Variants in XRCC5 observed in about 807,000 individuals in gnomAD.
The protein encoded by XRCC5 is X-ray repair cross complementing 5, also known as DNA repair protein Ku80.
Under a neutral mutation model 95.7 loss-of-function variants are expected in XRCC5, and 12 were observed. The observed-to-expected ratio is 0.13, with a 90% CI of 0.08 to 0.20. XRCC5 has a LOEUF of 0.20. XRCC5 is among the 10% of genes least tolerant of loss of function. XRCC5 has a pLI of 1.00. For synonymous variants in XRCC5, 281 were observed against 290.3 expected, an observed-to-expected ratio of 0.97 and a Z score of 0.33; for missense variants, 595 against 873.9, an observed-to-expected ratio of 0.68 and a Z score of 4.02.
At chr2:216,171,565 CTG>C (rs1196553710) in intron 16 of XRCC5, among the ~76,000 whole-genome samples, 1 of 152,152 alleles carries the variant, frequency 6.6e-6, no homozygotes, top group Non-Finnish European at 1.5e-5. Context: ...CTACTGAAAT[CTG>C]TAGTTATCTG....
At chr2:216,134,970 T>G (rs576425718) in intron 10 of XRCC5, among the ~76,000 whole-genome samples, 2 of 152,312 alleles carry the variant, frequency 1.3e-5, no homozygotes, top group South Asian at 4.1e-4. Context: ...TTCACAGGGC[T>G]CAAGACAGTG....
At chr2:216,173,064 ATTAT>A (rs377037114) in intron 16 of XRCC5, among the ~76,000 whole-genome samples, 32 of 152,224 alleles carry the variant, frequency 2.1e-4, no homozygotes, top group South Asian at 1.0e-3. Flanking sequence ...TAGAAATGAA[ATTAT>A]TTATTTATTA....
chr2:216,189,026 T>C (rs763396483), intron 16 of XRCC5, among the ~76,000 whole-genome samples: 8 of 152,218 alleles, frequency 5.3e-5, no homozygotes, highest in Non-Finnish European at 8.8e-5. Flanking sequence ...TTCATCCAGT[T>C]TTTTAATCCT....
At chr2:216,148,404 ATT>A (rs1279603231) in intron 14 of XRCC5, 128 bp downstream of exon 14, 1 of 789,520 alleles carries the variant, frequency 1.3e-6, no homozygotes, top group Non-Finnish European at 2.0e-6. Context: ...GCCTTTTGCT[ATT>A]TGGCCCTTAT....
intron 14 of XRCC5, chr2:216,156,792 C>G (rs770650839): frequency 2.4e-5 from 12 of 499,512 alleles, no homozygotes; most frequent in Admixed American, 1.0e-4. Context: ...AGTAACCACA[C>G]AATCCTGTCC....
chr2:216,133,098 A>T (rs902509548), intron 10 of XRCC5, among the ~76,000 whole-genome samples: 9 of 151,970 alleles, frequency 5.9e-5, no homozygotes. Flanking sequence ...TTTTCTCCTC[A>T]CTTCTGGAAG....
At chr2:216,165,101 C>T (rs552726357) in intron 16 of XRCC5, among the ~76,000 whole-genome samples, 1 of 152,270 alleles carries the variant, frequency 6.6e-6, no homozygotes, top group African/African-American at 2.4e-5. Flanking sequence ...ATGCATTTTC[C>T]CAAAGATCAC....
chr2:216,160,029 ATTGT>A (rs1688921011), intron 14 of XRCC5, 35 bp from the exon 15 acceptor site: 2 of 1,166,660 alleles, frequency 1.7e-6, no homozygotes, highest in Non-Finnish European at 2.4e-6. Context: ...CTGGTTTTGT[ATTGT>A]TTGTTCTAAG....
chr2:216,121,917 G>A (rs1040685783), intron 5 of XRCC5, 145 bp from the exon 6 acceptor site: 9 of 690,392 alleles, frequency 1.3e-5, no homozygotes, highest in Non-Finnish European at 1.8e-5. Flanking sequence ...GAAACTGGGA[G>A]AATATTGGCT....
At chr2:216,141,617 AT>A (rs1486941393) in intron 13 of XRCC5, among the ~76,000 whole-genome samples, 1 of 129,048 alleles carries the variant, frequency 7.7e-6, no homozygotes, top group Non-Finnish European at 1.5e-5. Flanking sequence ...CCAGTTGCCT[AT>A]GCTGGAGTGC....
At chr2:216,193,547 C>T (rs956933916) in intron 18 of XRCC5, among the ~76,000 whole-genome samples, 4 of 152,106 alleles carry the variant, frequency 2.6e-5, no homozygotes, top group African/African-American at 7.2e-5. Flanking sequence ...TAACTGTTTT[C>T]CTGACAGTTA....
At chr2:216,156,659 C>G in intron 14 of XRCC5, 1 of 550,282 alleles carries the variant, frequency 1.8e-6, no homozygotes. Flanking sequence ...AATGCAAGAG[C>G]TTCATAACTC....
At chr2:216,110,133 G>T (rs1322079746) in intron 1 of XRCC5, among the ~76,000 whole-genome samples, 1 of 152,138 alleles carries the variant, frequency 6.6e-6, no homozygotes, top group Non-Finnish European at 1.5e-5. Flanking sequence ...GTGAAATCCG[G>T]ATTTGAATCC....
chr2:216,205,064 T>C, intron 20 of XRCC5, 124 bp from the exon 21 acceptor site: 1 of 1,138,258 alleles, frequency 8.8e-7, no homozygotes, highest in Non-Finnish European at 1.3e-6. Context: ...GAGCGGTGAA[T>C]AAATGAGCAA....
At chr2:216,155,743 G>A (rs1688829058) in intron 14 of XRCC5, among the ~76,000 whole-genome samples, 1 of 152,208 alleles carries the variant, frequency 6.6e-6, no homozygotes, top group Middle Eastern at 3.4e-3. Flanking sequence ...TACTTAAAAA[G>A]CACATACATA....
At chr2:216,130,178 A>G (rs1294363770) in intron 8 of XRCC5, among the ~76,000 whole-genome samples, 1 of 150,430 alleles carries the variant, frequency 6.6e-6, no homozygotes, top group African/African-American at 2.4e-5. Context: ...CATAGAAGAT[A>G]CTGTGTATTG....
intron 16 of XRCC5, among the ~76,000 whole-genome samples, chr2:216,177,590 CTTG>C (rs1375219235): frequency 1.3e-5 from 2 of 151,672 alleles, no homozygotes; most frequent in African/African-American, 4.8e-5. Context: ...ATTTTAGGAA[CTTG>C]TTGGAGCAGA....
chr2:216,195,822 G>C (rs1689708930), intron 19 of XRCC5, among the ~76,000 whole-genome samples: 1 of 152,190 alleles, frequency 6.6e-6, no homozygotes, highest in Non-Finnish European at 1.5e-5. Context: ...CTCAGTTTCA[G>C]TTACAGTCAC....
At chr2:216,116,919 C>A in intron 3 of XRCC5, 77 bp downstream of exon 3, 1 of 1,507,238 alleles carries the variant, frequency 6.6e-7, no homozygotes, top group Non-Finnish European at 9.1e-7. Flanking sequence ...GATGAGACAC[C>A]CCCAGAGTTT....
Sources: allele counts gnomAD v4.1 joint callset (sites outside exome capture counted in the v4.1 genomes callset), GRCh38; gene constraint gnomAD v4.1.1; transcripts MANE v1.5; gene names NCBI Gene and HGNC (gene_info 2026-07-23, HGNC 2026-07-21).